The following PADI2 variants were observed in gnomAD, a reference collection of about 807,000 sequenced individuals.
PADI2 encodes the protein protein-arginine deiminase type-2.
In PADI2, 70 loss-of-function variants were observed where a neutral mutation model predicts 81.1. The observed-to-expected ratio is 0.86, with a 90% CI of 0.71 to 1.05. The LOEUF is 1.05. PADI2 is among the 50% of genes least tolerant of loss of function. The pLI, the probability that PADI2 is intolerant of heterozygous loss-of-function variation, is 0.00. For synonymous variants in PADI2, 338 were observed against 358.0 expected (o/e 0.94, Z 0.63); for missense variants, 853 against 889.9 (o/e 0.96, Z 0.53).
intron 1 of PADI2, among the ~76,000 whole-genome samples, chr1:17,117,199 T>A (rs1439217081): frequency 6.6e-6 from 1 of 152,188 alleles, no homozygotes; most frequent in African/African-American, 2.4e-5. Flanking sequence ...TGAGATGCAC[T>A]CAATCTACGC....
chr1:17,076,589 GT>G (rs1277090287), intron 11 of PADI2, among the ~76,000 whole-genome samples: 6 of 151,236 alleles, frequency 4.0e-5, no homozygotes, highest in African/African-American at 9.7e-5. Context: ...GTGTGTGTTT[GT>G]TTTTTGTATT....
chr1:17,086,577 C>T lies in PADI2; in HGVS notation c.778G>A (p.Glu260Lys), dbSNP rs368879812. 247 of 1,614,022 alleles carry T rather than the reference C, an allele frequency of 1.5e-4. 1 individual carries two copies. The South Asian group carries it at 2.2e-3, about 14-fold the overall frequency. ...FFVEGLCFPDEGFSGLVSIHV... is the reference protein window; with the variant it reads ...FFVEGLCFPDKGFSGLVSIHV... ...ATGGAGACCAGGCCTGAGAAGCCCT[C>T]GTCGGGGAAACAGAGGCCTTCCACG... The change falls in exon 7 of 16, where the codon GAG (glutamate) becomes AAG (lysine). Residue 260 changes from glutamate (E) to lysine (K), a missense_variant. By Grantham distance (56) the Glu-to-Lys change is moderately conservative (BLOSUM62 1). Transcript: ENST00000375486.
At chr1:17,092,322 C>T in intron 6 of PADI2, 86 bp downstream of exon 6, 1 of 1,166,604 alleles carries the variant, frequency 8.6e-7, no homozygotes, top group Non-Finnish European at 1.2e-6. Context: ...TCCCCAGGCA[C>T]CTGCACCTGT....
In PADI2 at chr1:17,084,677, G is replaced by C; in HGVS notation, c.860C>G (p.Thr287Arg). 6.4e-7 allele frequency: 1 copy of C among 1,561,448 alleles called. No individual in the cohort carries two copies. Among genetic ancestry groups the C allele is most frequent in the Non-Finnish European group, 8.7e-7 (1 of 1,152,684 alleles). The change falls in exon 8 of 16, where the codon ACG (threonine) becomes AGG (arginine). Residue 287 changes from threonine (T) to arginine (R), a missense_variant. Thr to Arg is a moderately conservative substitution (Grantham distance 71). Coordinates refer to ENST00000375486, the MANE Select transcript of PADI2 (RefSeq NM_007365.3). ...AGCAATCCGGAATATCACGGTGTCC[G>C]TGAAGATGGGAGTCAGGGGAATGTC... ...AQDIPLTPIF[T>R]DTVIFRIAPW... is the part of the protein sequence containing the mutation.
At chr1:17,103,824 A>AC (rs1440628734) in intron 2 of PADI2, among the ~76,000 whole-genome samples, 3 of 151,432 alleles carry the variant, frequency 2.0e-5, no homozygotes, top group Non-Finnish European at 4.4e-5. Flanking sequence ...TAAAAAAAAA[A>AC]AAAAAAAAAA....
chr1:17,111,087 T>A (rs1370284503), intron 1 of PADI2, among the ~76,000 whole-genome samples: 1 of 146,050 alleles, frequency 6.8e-6, no homozygotes, highest in Non-Finnish European at 1.5e-5. Context: ...CAGACCTTTT[T>A]TTTTTTTTTT....
At chr1:17,098,468 T>C (rs1450456229) in intron 3 of PADI2, among the ~76,000 whole-genome samples, 3 of 152,218 alleles carry the variant, frequency 2.0e-5, no homozygotes, top group Non-Finnish European at 4.4e-5. Context: ...TATTTGGACA[T>C]AGTACAAACA....
chr1:17,085,435 CTGCCCTGGGCATGGG>C (rs2078377604), intron 7 of PADI2, among the ~76,000 whole-genome samples: 1 of 152,144 alleles, frequency 6.6e-6, no homozygotes, highest in Non-Finnish European at 1.5e-5. Context: ...GGGGGTCAGG[CTGCCCTGGGCATGGG>C]TGCCATAAGA....
chr1:17,070,198 G>T lies in PADI2; in HGVS notation c.1654C>A (p.Arg552Ser). 15 of 1,614,050 alleles carry T rather than the reference G, an allele frequency of 9.3e-6. No homozygotes were observed. Among genetic ancestry groups the T allele is most frequent in the Admixed American group, 1.7e-5 (1 of 60,018 alleles). The stretch of plus-strand genomic sequence containing the variant: ...CCCAGCTCCTTCTTGAGGATGTCAC[G>T]GTTCCAGTCTAGGCAGCGCTGGGTA... ...LYFQRCLDWN[R>S]DILKKELGLT... is the part of the protein sequence containing the mutation. Residue 552 changes from arginine (R) to serine (S), a missense_variant, in exon 15 of 16, where the codon CGT (arginine) becomes AGT (serine). Coordinates refer to ENST00000375486, the MANE Select transcript of PADI2 (RefSeq NM_007365.3).
rs1177833272 is a variant in PADI2, at chr1:17,078,997, A to C, written c.1310+267T>G. On this transcript the variant is annotated intron_variant, in intron 11 of 15. Transcript: ENST00000375486. ...AGGTGAGAGCCACCGTGCCCCACCA[A>C]CCAGCTGATTTATAATCTCATTATA... is the stretch of plus-strand genomic sequence containing the variant. 2.0e-5 allele frequency: 5 copies of C among 244,244 alleles called. No individual in the cohort carries two copies. The East Asian group carries it at 3.5e-4, about 17-fold the overall frequency. The allele number at this position is 244,244 out of a possible 1,614,324, so 15.1% of individuals were successfully genotyped here.
chr1:17,090,304 T>C (rs1930640684), intron 6 of PADI2, among the ~76,000 whole-genome samples: 1 of 152,254 alleles, frequency 6.6e-6, no homozygotes, highest in Non-Finnish European at 1.5e-5. Flanking sequence ...GAACTCTTAC[T>C]ACTCCCATGC....
intron 6 of PADI2, among the ~76,000 whole-genome samples, chr1:17,091,040 C>T (rs1034606324): frequency 2.6e-5 from 4 of 151,904 alleles, no homozygotes; most frequent in East Asian, 1.9e-4. Flanking sequence ...TCAACATCTC[C>T]GGCCCCCTGC....
At chr1:17,111,462 T>C (rs1451203940) in intron 1 of PADI2, among the ~76,000 whole-genome samples, 2 of 151,824 alleles carry the variant, frequency 1.3e-5, no homozygotes, top group African/African-American at 4.8e-5. Flanking sequence ...GAGGAGAGGG[T>C]GCCATGAGGC....
At chr1:17,090,269 C>T (rs1160706711) in intron 6 of PADI2, among the ~76,000 whole-genome samples, 2 of 152,240 alleles carry the variant, frequency 1.3e-5, no homozygotes, top group Admixed American at 6.5e-5. Context: ...ATCCCCACCA[C>T]GATCCGGGAC....
intron 10 of PADI2, among the ~76,000 whole-genome samples, chr1:17,081,065 TG>T (rs549780170): frequency 7.9e-5 from 12 of 152,204 alleles, no homozygotes; most frequent in Non-Finnish European, 1.6e-4. Context: ...CAACGCAGCC[TG>T]GGGCCTTGGA....
intron 3 of PADI2, among the ~76,000 whole-genome samples, chr1:17,096,667 A>G (rs745745645): frequency 3.9e-5 from 6 of 152,202 alleles, no homozygotes; most frequent in South Asian, 2.1e-4. Flanking sequence ...TAGGCCTGCC[A>G]TGGAGACAGG....
intron 1 of PADI2, among the ~76,000 whole-genome samples, chr1:17,114,905 T>C (rs1931706158): frequency 6.6e-6 from 1 of 151,854 alleles, no homozygotes; most frequent in Non-Finnish European, 1.5e-5. Flanking sequence ...CGGAATGGAG[T>C]GTGTGCTGAG....
At chr1:17,087,953 C>T (rs986914307) in intron 6 of PADI2, among the ~76,000 whole-genome samples, 5 of 152,176 alleles carry the variant, frequency 3.3e-5, no homozygotes, top group African/African-American at 1.2e-4. Context: ...TGGGAGAGAC[C>T]AAGGGGGAAT....
intron 1 of PADI2, among the ~76,000 whole-genome samples, chr1:17,107,288 G>A (rs1372695002): frequency 6.6e-6 from 1 of 152,172 alleles, no homozygotes; most frequent in African/African-American, 2.4e-5. Flanking sequence ...TAAATCTATA[G>A]GGTGTTTTTC....
Sources: allele counts gnomAD v4.1 joint callset (sites outside exome capture counted in the v4.1 genomes callset), GRCh38; gene constraint gnomAD v4.1.1; transcripts MANE v1.5; gene names NCBI Gene and HGNC (gene_info 2026-07-23, HGNC 2026-07-21).